Variants in FGF12 observed in about 807,000 individuals in gnomAD.
FGF12 encodes the protein fibroblast growth factor 12B.
FGF12 carries 14 observed loss-of-function variants against 23.6 expected under a neutral mutation model. The ratio of observed to expected loss-of-function variants is 0.59; its 90% confidence interval spans 0.39 to 0.93. The LOEUF (loss-of-function observed/expected upper bound fraction) is 0.93. Among genes scored for constraint, FGF12 ranks in the 40% least tolerant of loss-of-function variants. FGF12 has a pLI of 0.00. For missense variants in FGF12, 175 were observed against 217.8 expected (o/e 0.80, Z 1.24); for synonymous variants, 62 against 77.3 (o/e 0.80, Z 1.04).
intron 4 of FGF12, among the ~76,000 whole-genome samples, chr3:192,315,968 A>C (rs1716206982): frequency 6.6e-6 from 1 of 152,198 alleles, no homozygotes; most frequent in Non-Finnish European, 1.5e-5. Context: ...TTTATGTAAA[A>C]AGGGCAATTA....
rs533407139 is a variant in FGF12 at position 192,198,126 on chromosome 3, C to T, written c.229-27470G>A. On this transcript the variant is annotated intron_variant, in intron 4 of 5. Transcript: ENST00000445105. ...AAGAAAGACCCCAAAGGATCCAGAA[C>T]GGTGCATCCATTCTAAAGGCAGAGA... Among the ~76,000 whole-genome samples, 608 of 151,800 alleles carry T rather than the reference C, an allele frequency of 4.0e-3. 1 individual carries two copies. Among genetic ancestry groups the T allele is most frequent in the African/African-American group, 0.014 (572 of 41,360 alleles).
chr3:192,375,002 C>T (rs1282216455), intron 2 of FGF12, among the ~76,000 whole-genome samples: 1 of 152,108 alleles, frequency 6.6e-6, no homozygotes, highest in Admixed American at 6.6e-5. Context: ...GGGAGGTAGC[C>T]TTCCTATTCA....
chr3:192,712,443 A>G (rs1718720443), intron 2 of FGF12, among the ~76,000 whole-genome samples: 1 of 152,004 alleles, frequency 6.6e-6, no homozygotes, highest in South Asian at 2.1e-4. Flanking sequence ...ATAAGAAGGC[A>G]AATTACTATC....
chr3:192,483,703 G>T (rs1193014575), intron 2 of FGF12, among the ~76,000 whole-genome samples: 3 of 151,982 alleles, frequency 2.0e-5, no homozygotes. Context: ...GGTGGAGTTT[G>T]AAGGAAGGTT....
At chr3:192,257,023 TC>T (rs1712438888) in intron 4 of FGF12, among the ~76,000 whole-genome samples, 1 of 152,180 alleles carries the variant, frequency 6.6e-6, no homozygotes, top group Non-Finnish European at 1.5e-5. Context: ...AATTATGCTC[TC>T]ACAGACTAAA....
intron 4 of FGF12, among the ~76,000 whole-genome samples, chr3:192,196,906 A>C (rs1176870569): frequency 1.3e-5 from 2 of 152,082 alleles, no homozygotes; most frequent in Non-Finnish European, 2.9e-5. Flanking sequence ...TACAGAAAAT[A>C]ACTTAATAAG....
intron 2 of FGF12, among the ~76,000 whole-genome samples, chr3:192,652,127 A>G (rs1716234608): frequency 1.3e-5 from 2 of 152,216 alleles, no homozygotes; most frequent in Admixed American, 1.3e-4. Flanking sequence ...TTACACTTCC[A>G]GGAGAGATTA....
chr3:192,372,826 G>A (rs79710912), intron 2 of FGF12, among the ~76,000 whole-genome samples: 3,053 of 152,238 alleles, frequency 0.02, 50 homozygotes, highest in Middle Eastern at 0.054. Flanking sequence ...CCCTTAGCAT[G>A]GCCGGGAGAG....
intron 2 of FGF12, among the ~76,000 whole-genome samples, chr3:192,416,462 G>T (rs1471653070): frequency 6.6e-6 from 1 of 152,120 alleles, no homozygotes; most frequent in Non-Finnish European, 1.5e-5. Context: ...ATAATAGGTT[G>T]AAATTATGGC....
intron 3 of FGF12, among the ~76,000 whole-genome samples, chr3:192,342,945 T>C (rs72607873): frequency 0.22 from 32,780 of 150,950 alleles, 5,517 homozygotes; most frequent in East Asian, 0.59. Context: ...AGGAAAACAA[T>C]GTGACAACCA....
At chr3:192,652,181 T>C (rs1716237597) in intron 2 of FGF12, among the ~76,000 whole-genome samples, 2 of 152,098 alleles carry the variant, frequency 1.3e-5, no homozygotes, top group Non-Finnish European at 2.9e-5. Context: ...ATGTTACAAG[T>C]GGGACATAAA....
chr3:192,388,588 A>G (rs1029926595), intron 2 of FGF12, among the ~76,000 whole-genome samples: 2 of 152,168 alleles, frequency 1.3e-5, no homozygotes, highest in Non-Finnish European at 2.9e-5. Context: ...TATATAACTT[A>G]TAATCACATA....
At position 192,308,680 on chromosome 3, in the gene FGF12, C is replaced by CA. The variant is rs567424076; in HGVS notation, c.228+26680dup. ...GGCCAACAAGAACGAAACTCCATCTCAAAAAAAAAAAAGAAATTAATAAAC... is the reference window on the plus strand; with the variant it reads ...GGCCAACAAGAACGAAACTCCATCTCAAAAAAAAAAAAAGAAATTAATAAAC... On this transcript the variant is annotated intron_variant, in intron 4 of 5. Coordinates refer to ENST00000445105, the MANE Select transcript of FGF12 (RefSeq NM_004113.6). 2.3e-3 allele frequency among the ~76,000 whole-genome samples: 304 copies of CA among 129,654 alleles called. 3 individuals carry two copies. Among genetic ancestry groups the CA allele is most frequent in the East Asian group, 6.4e-3 (29 of 4,542 alleles). 85.1% of individuals were successfully genotyped at this position (129,654 alleles called of 152,430 possible).
intron 2 of FGF12, among the ~76,000 whole-genome samples, chr3:192,688,388 T>C (rs1003725107): frequency 6.6e-6 from 1 of 152,198 alleles, no homozygotes; most frequent in Non-Finnish European, 1.5e-5. Flanking sequence ...GAGGGTCTTC[T>C]CTTACCAAAA....
intron 4 of FGF12, among the ~76,000 whole-genome samples, chr3:192,306,050 C>T (rs1431871135): frequency 4.0e-5 from 6 of 151,686 alleles, no homozygotes; most frequent in Admixed American, 1.3e-4. Context: ...TCAATAGAGA[C>T]GGGGTTTCAC....
At chr3:192,300,650 G>C (rs552454983) in intron 4 of FGF12, among the ~76,000 whole-genome samples, 2 of 151,934 alleles carry the variant, frequency 1.3e-5, no homozygotes, top group African/African-American at 4.8e-5. Context: ...AAATTAAAAA[G>C]TATTATTCTA....
chr3:192,258,021 T>TAAAAAAAA (rs200983417), intron 4 of FGF12, among the ~76,000 whole-genome samples: 2 of 135,608 alleles, frequency 1.5e-5, no homozygotes, highest in Non-Finnish European at 3.2e-5. Flanking sequence ...TGGTAAAATT[T>TAAAAAAAA]AAAAAAAAAA....
rs1395254847 is a variant in FGF12, at chr3:192,392,592, G to A, written c.14-32054C>T. ...GCCTGGGCAACAAAAGTGAAACTCC[G>A]AGAGAGAGAGAGAGAGAGAGAGAGA... On this transcript the variant is annotated intron_variant, in intron 2 of 5. Transcript: ENST00000445105. Among the ~76,000 whole-genome samples, 48 of 10,620 alleles carry A rather than the reference G, an allele frequency of 4.5e-3. No homozygotes were observed. The African/African-American group carries it at 0.058, about 13-fold the overall frequency. 7.0% of individuals were successfully genotyped at this position (10,620 alleles called of 152,430 possible).
intron 2 of FGF12, among the ~76,000 whole-genome samples, chr3:192,444,532 C>G (rs1388083423): frequency 1.3e-5 from 2 of 151,964 alleles, no homozygotes; most frequent in African/African-American, 4.8e-5. Flanking sequence ...AAGACTGGAA[C>G]CAGTGGGGAA....
Sources: allele counts gnomAD v4.1 joint callset (sites outside exome capture counted in the v4.1 genomes callset), GRCh38; gene constraint gnomAD v4.1.1; transcripts MANE v1.5; gene names NCBI Gene and HGNC (gene_info 2026-07-23, HGNC 2026-07-21).